Variants in EML4 observed in about 807,000 individuals in gnomAD.
EML4 encodes the protein EMAP like 4, also known as echinoderm microtubule-associated protein-like 4.
Under a neutral mutation model 129.0 loss-of-function variants are expected in EML4, and 72 were observed. The ratio of observed to expected loss-of-function variants is 0.56; its 90% CI spans 0.46 to 0.68. EML4 has a LOEUF of 0.68. Ranked by LOEUF, EML4 falls within the 30% of genes least tolerant of loss-of-function variation. The pLI is 0.00. For synonymous variants in EML4, 532 were observed against 405.0 expected (o/e 1.31, Z -3.77); for missense variants, 1,363 against 1,190.6 (o/e 1.14, Z -2.13).
At chr2:42,323,815 G>A (rs370675647) in intron 19 of EML4, among the ~76,000 whole-genome samples, 8 of 150,688 alleles carry the variant, frequency 5.3e-5, no homozygotes, top group Non-Finnish European at 1.2e-4. Flanking sequence ...GTGGTGATGC[G>A]CACCTGTAGT....
intron 3 of EML4, among the ~76,000 whole-genome samples, chr2:42,259,722 C>CTTTTTT (rs780243101): frequency 1.5e-3 from 144 of 98,318 alleles, no homozygotes; most frequent in South Asian, 4.8e-3. Context: ...TTCTTTCTTT[C>CTTTTTT]TTTTTTTTTT....
chr2:42,257,911 C>T (rs1460476526), intron 3 of EML4, among the ~76,000 whole-genome samples: 2 of 151,748 alleles, frequency 1.3e-5, no homozygotes, highest in Non-Finnish European at 2.9e-5. Flanking sequence ...CTTTCCCCTA[C>T]AAAGGATGCT....
chr2:42,264,012 A>T (rs1665899509), intron 5 of EML4, among the ~76,000 whole-genome samples: 1 of 151,636 alleles, frequency 6.6e-6, no homozygotes, highest in African/African-American at 2.4e-5. Context: ...TACAGGCGTG[A>T]GCCACCGTGC....
intron 1 of EML4, among the ~76,000 whole-genome samples, chr2:42,226,856 C>A (rs980807923): frequency 1.1e-4 from 16 of 152,036 alleles, no homozygotes; most frequent in African/African-American, 3.9e-4. Context: ...ATATATACAA[C>A]TTTTACTTGT....
chr2:42,313,150 G>A (rs993418090), intron 17 of EML4, among the ~76,000 whole-genome samples: 21 of 150,518 alleles, frequency 1.4e-4, no homozygotes, highest in African/African-American at 4.9e-4. Flanking sequence ...GGGTTTCACC[G>A]GGTTAGCCAG....
At chr2:42,237,340 C>G (rs1013989014) in intron 1 of EML4, among the ~76,000 whole-genome samples, 3 of 152,134 alleles carry the variant, frequency 2.0e-5, no homozygotes, top group African/African-American at 4.8e-5. Flanking sequence ...CATCTGAATT[C>G]CATTGTAGTT....
intron 19 of EML4, chr2:42,325,191 G>A (rs759502430): frequency 1.3e-5 from 7 of 544,344 alleles, no homozygotes; most frequent in Admixed American, 1.9e-5. Flanking sequence ...GCAATGTCCT[G>A]TAAGATACAA....
In EML4 at chr2:42,332,101, A is replaced by G. The variant is rs185150575; in HGVS notation, c.*1894A>G. 35 of 221,690 alleles carry G rather than the reference A, an allele frequency of 1.6e-4. No homozygotes were observed. The highest frequency in any genetic ancestry group is 1.2e-4 in the Admixed American group (2 of 17,388). The allele number at this position is 221,690 out of a possible 1,614,324, so 13.7% of individuals were successfully genotyped here. Reference sequence around the variant, plus strand: ...TTACATCATCAGATCAGCATGTGCTATACTCCCTGCAAGAAATATACTGAC... The same window carrying G: ...TTACATCATCAGATCAGCATGTGCTGTACTCCCTGCAAGAAATATACTGAC... On this transcript the variant is annotated 3_prime_UTR_variant, in exon 23 of 23. Transcript: ENST00000318522.
At chr2:42,236,500 A>G (rs1468124485) in intron 1 of EML4, among the ~76,000 whole-genome samples, 1 of 152,242 alleles carries the variant, frequency 6.6e-6, no homozygotes, top group Non-Finnish European at 1.5e-5. Context: ...ATGAAGTTTT[A>G]TTGGAACATA....
rs1396333916 is a variant in EML4, at chr2:42,169,523, C to A, written c.-89C>A. 6.9e-7 allele frequency: 1 copy of A among 1,438,956 alleles called. No individual in the cohort carries two copies. The highest frequency in any genetic ancestry group is 2.6e-5 in the East Asian group (1 of 38,290). The allele number at this position is 1,438,956 out of a possible 1,614,324, so 89.1% of individuals were successfully genotyped here. A position where few individuals can be genotyped will look rare whatever the true frequency, so the allele number is the denominator to read the frequency against. ...CGAGCCGGGCGACCTAGAGAACGAG[C>A]GGGTCAGGCTCAGCGTCGGCCACTC... On this transcript the variant is annotated 5_prime_UTR_variant, in exon 1 of 23. Transcript: ENST00000318522.
intron 1 of EML4, among the ~76,000 whole-genome samples, chr2:42,185,154 A>G (rs1484084407): frequency 6.6e-6 from 1 of 152,100 alleles, no homozygotes; most frequent in Non-Finnish European, 1.5e-5. Context: ...AGAGAAAGTA[A>G]TTTGCTCGGG....
chr2:42,212,699 A>G (rs2104033212), intron 1 of EML4, among the ~76,000 whole-genome samples: 1 of 152,364 alleles, frequency 6.6e-6, no homozygotes, highest in East Asian at 1.9e-4. Context: ...ACAGTAAGGC[A>G]GATAGTCCCC....
At chr2:42,173,861 T>TA (rs1216146289) in intron 1 of EML4, among the ~76,000 whole-genome samples, 4 of 151,986 alleles carry the variant, frequency 2.6e-5, no homozygotes, top group African/African-American at 9.7e-5. Flanking sequence ...AATAAATAAA[T>TA]AAAGTATGTA....
At chr2:42,256,674 T>C in intron 3 of EML4, 44 bp downstream of exon 3, 2 of 1,608,130 alleles carry the variant, frequency 1.2e-6, no homozygotes, top group East Asian at 2.2e-5. Context: ...TGCAGAATTG[T>C]CTGAATGTGG....
chr2:42,325,139 C>T (rs1669717715), intron 19 of EML4: 3 of 510,928 alleles, frequency 5.9e-6, no homozygotes, highest in South Asian at 2.9e-5. Flanking sequence ...CTCATGGGGA[C>T]ACCAGTGACG....
intron 1 of EML4, among the ~76,000 whole-genome samples, chr2:42,226,997 G>C (rs943129867): frequency 6.6e-6 from 1 of 152,118 alleles, no homozygotes; most frequent in African/African-American, 2.4e-5. Flanking sequence ...ATTCAACAAA[G>C]GGAATCCTCT....
intron 6 of EML4, among the ~76,000 whole-genome samples, chr2:42,267,604 G>T (rs1400222022): frequency 6.6e-6 from 1 of 152,188 alleles, no homozygotes; most frequent in Non-Finnish European, 1.5e-5. Flanking sequence ...AGCAGAGTAG[G>T]AGAAAAGCTA....
At chr2:42,217,855 TA>T (rs1284715345) in intron 1 of EML4, among the ~76,000 whole-genome samples, 1 of 150,072 alleles carries the variant, frequency 6.7e-6, no homozygotes, top group East Asian at 1.9e-4. Flanking sequence ...GATTTACTTC[TA>T]AATATGTAGA....
intron 11 of EML4, among the ~76,000 whole-genome samples, chr2:42,291,135 G>A (rs954272719): frequency 4.6e-5 from 7 of 152,110 alleles, no homozygotes; most frequent in African/African-American, 9.7e-5. Context: ...TGCAGTAGGC[G>A]CAGAATAATG....
Sources: gnomAD v4.1 joint callset for allele counts (sites outside exome capture counted in the v4.1 genomes callset) on GRCh38, gnomAD v4.1.1 for gene constraint, MANE v1.5 for transcripts, NCBI Gene and HGNC (gene_info 2026-07-23, HGNC 2026-07-21) for gene names.